CEP112: variants seen among roughly 807,000 people sequenced by gnomAD.
CEP112 encodes the protein centrosomal protein of 112 kDa.
A neutral mutation model predicts 153.0 loss-of-function variants in CEP112; 127 were observed. That is an observed-to-expected ratio of 0.83 (90% CI 0.72 to 0.96). CEP112 has a LOEUF of 0.96. Among genes scored for constraint, CEP112 ranks in the 40% least tolerant of loss-of-function variants. CEP112 has a pLI of 0.00. For synonymous variants in CEP112, 358 were observed against 374.4 expected, an observed-to-expected ratio of 0.96 and a Z score of 0.51; for missense variants, 1,089 against 1,101.2, an observed-to-expected ratio of 0.99 and a Z score of 0.16.
intron 17 of CEP112, among the ~76,000 whole-genome samples, chr17:65,967,905 T>G (rs577162643): frequency 6.6e-6 from 1 of 152,190 alleles, no homozygotes; most frequent in East Asian, 1.9e-4. Context: ...TGGTTTATGG[T>G]GAAGAAAAAT....
At chr17:66,097,405 AAC>A (rs1290157421) in intron 6 of CEP112, among the ~76,000 whole-genome samples, 8 of 152,154 alleles carry the variant, frequency 5.3e-5, no homozygotes, top group Non-Finnish European at 1.2e-4. Context: ...CCTGTTTCAA[AAC>A]AGTGTGGACT....
At chr17:66,131,009 G>A (rs2146533023) in intron 5 of CEP112, among the ~76,000 whole-genome samples, 1 of 152,194 alleles carries the variant, frequency 6.6e-6, no homozygotes, top group East Asian at 1.9e-4. Context: ...CTACCTGACA[G>A]CCCAGAAAGT....
chr17:66,016,746 AT>A lies in CEP112; in HGVS notation c.1656+10754del, dbSNP rs937355158. 2.7e-3 allele frequency among the ~76,000 whole-genome samples: 401 copies of A among 150,684 alleles called. 1 individual carries two copies. Among genetic ancestry groups the A allele is most frequent in the African/African-American group, 9.3e-3 (381 of 41,102 alleles). ...GTAGTTTCCCCTCTATTTACTGTTG[AT>A]TTTTTTTTTCTGGGACTCAGAACTG... On this transcript the variant is annotated intron_variant, in intron 16 of 26. Transcript: ENST00000535342.
At chr17:65,746,228 C>G (rs1373768617) in intron 22 of CEP112, among the ~76,000 whole-genome samples, 2 of 140,602 alleles carry the variant, frequency 1.4e-5, no homozygotes, top group Admixed American at 7.0e-5. Flanking sequence ...GAAAGGACTA[C>G]AAGTGAAGTC....
intron 6 of CEP112, among the ~76,000 whole-genome samples, chr17:66,123,808 G>A (rs950250882): frequency 3.9e-5 from 6 of 152,152 alleles, no homozygotes; most frequent in Admixed American, 3.9e-4. Context: ...TTAGAAGTGT[G>A]TTGTTTAATT....
intron 21 of CEP112, among the ~76,000 whole-genome samples, chr17:65,752,974 T>A (rs1345630606): frequency 6.6e-6 from 1 of 152,204 alleles, no homozygotes; most frequent in African/African-American, 2.4e-5. Context: ...CTAGGATTTT[T>A]AAAAATCTCT....
At position 65,657,943 on chromosome 17, in the gene CEP112, T is replaced by C. The variant is rs374491662; in HGVS notation, c.2698-16878A>G. Among the ~76,000 whole-genome samples the C allele has an allele frequency of 1.8e-4, 28 of 152,342 alleles. No homozygotes were observed. The East Asian group carries it at 2.7e-3, about 15-fold the overall frequency. On this transcript the variant is annotated intron_variant, in intron 24 of 26. Coordinates refer to ENST00000535342, the MANE Select transcript of CEP112 (RefSeq NM_001199165.4). ...ATAGGTAGGTGGCACCTTGAAATTA[T>C]GGAAGGTAGTAAAGGTTATGTCAAC...
At chr17:65,799,255 A>G (rs2055117711) in intron 21 of CEP112, among the ~76,000 whole-genome samples, 1 of 152,186 alleles carries the variant, frequency 6.6e-6, no homozygotes, top group Non-Finnish European at 1.5e-5. Flanking sequence ...AATATCTACC[A>G]ATAGAAACAC....
chr17:65,868,249 A>G (rs959013197), intron 20 of CEP112, among the ~76,000 whole-genome samples: 12 of 152,106 alleles, frequency 7.9e-5, no homozygotes, highest in African/African-American at 2.9e-4. Flanking sequence ...CTATAATCCC[A>G]GCACTTCCCA....
chr17:65,923,257 C>G (rs925909846), intron 19 of CEP112, among the ~76,000 whole-genome samples: 1 of 152,214 alleles, frequency 6.6e-6, no homozygotes, highest in African/African-American at 2.4e-5. Flanking sequence ...GATCTGTCAG[C>G]TCTATCGTCT....
At chr17:65,766,980 C>T (rs1229381387) in intron 21 of CEP112, among the ~76,000 whole-genome samples, 1 of 151,056 alleles carries the variant, frequency 6.6e-6, no homozygotes, top group African/African-American at 2.4e-5. Context: ...CCATCAACAA[C>T]AGACCGATAA....
At position 66,175,133 on chromosome 17, in the gene CEP112, C is replaced by T; in HGVS notation, c.381G>A (p.Leu127=). ...CATTTAATTTGTGTTCACTTGTCTC[C>T]AGCTCACCCAGTACCCAGGCTGGTA... ...EGLPAWVLGE[L]ETSEHKLNES... The change falls in exon 4 of 27, where the codon CTG becomes CTA. Residue 127 remains leucine (L), a synonymous_variant. Transcript: ENST00000535342. The T allele has an allele frequency of 6.2e-7, 1 of 1,613,376 alleles. No homozygotes were observed. Among genetic ancestry groups the T allele is most frequent in the South Asian group, 1.1e-5 (1 of 90,950 alleles).
At chr17:65,951,750 C>CCGCCCCG (rs1156897591) in intron 18 of CEP112, among the ~76,000 whole-genome samples, 4 of 64,968 alleles carry the variant, frequency 6.2e-5, no homozygotes, top group African/African-American at 1.3e-4. Context: ...CCCGCCCCCC[C>CCGCCCCG]CTTTCTTCCA....
At chr17:66,056,817 T>C (rs904216947) in intron 11 of CEP112, among the ~76,000 whole-genome samples, 4 of 152,144 alleles carry the variant, frequency 2.6e-5, no homozygotes, top group Non-Finnish European at 5.9e-5. Context: ...GTGGTGGAAG[T>C]TGCACAACTT....
At chr17:66,043,096 C>A (rs527598412) in intron 12 of CEP112, 1 of 981,306 alleles carries the variant, frequency 1.0e-6, no homozygotes, top group East Asian at 1.1e-4. Flanking sequence ...CTTAACCTAC[C>A]TTAACCTACC....
chr17:65,957,770 T>A (rs947554984), intron 18 of CEP112, among the ~76,000 whole-genome samples: 6 of 152,152 alleles, frequency 3.9e-5, no homozygotes, highest in African/African-American at 1.4e-4. Flanking sequence ...CTTTGCTTTT[T>A]AACTTTTCAA....
intron 11 of CEP112, among the ~76,000 whole-genome samples, chr17:66,056,709 T>C (rs181557856): frequency 3.4e-4 from 52 of 152,256 alleles, no homozygotes; most frequent in Non-Finnish European, 6.6e-4. Flanking sequence ...AAACAGTAGA[T>C]TGATGGTTGA....
chr17:65,676,347 G>A (rs72841596), intron 24 of CEP112, among the ~76,000 whole-genome samples: 70 of 131,560 alleles, frequency 5.3e-4, no homozygotes, highest in African/African-American at 1.7e-3. Flanking sequence ...AAAAAAAAAA[G>A]AAGCCATTAA....
chr17:65,719,296 C>A (rs1388690866), intron 23 of CEP112, among the ~76,000 whole-genome samples: 1 of 152,166 alleles, frequency 6.6e-6, no homozygotes, highest in African/African-American at 2.4e-5. Flanking sequence ...AACATTAGTC[C>A]GGGCGCAGGG....
Sources: gnomAD v4.1 joint callset for allele counts (sites outside exome capture counted in the v4.1 genomes callset) on GRCh38, gnomAD v4.1.1 for gene constraint, MANE v1.5 for transcripts, NCBI Gene and HGNC (gene_info 2026-07-23, HGNC 2026-07-21) for gene names.